Variants in AKR1C3 observed in about 807,000 individuals in gnomAD.
AKR1C3 encodes aldo-keto reductase family 1 member C3, also known as 3-alpha hydroxysteroid dehydrogenase, type II.
Under a neutral mutation model 43.6 loss-of-function variants are expected in AKR1C3, and 48 were observed. The observed-to-expected ratio is 1.10, with a 90% confidence interval of 0.87 to 1.40. The LOEUF (loss-of-function observed/expected upper bound fraction) is 1.40, where lower values mean the gene tolerates loss of function less well. AKR1C3 is among the 40% of genes most tolerant of loss of function. The pLI, the probability that AKR1C3 is intolerant of heterozygous loss-of-function variation, is 0.00. For synonymous variants in AKR1C3, 162 were observed against 139.6 expected, an observed-to-expected ratio of 1.16 and a Z score of -1.13; for missense variants, 482 against 391.2, an observed-to-expected ratio of 1.23 and a Z score of -1.96.
chr10:5,101,153 T>G (rs1296675430), intron 5 of AKR1C3, among the ~76,000 whole-genome samples: 8 of 152,172 alleles, frequency 5.3e-5, no homozygotes, highest in African/African-American at 1.4e-4. Flanking sequence ...TAAAACAGAA[T>G]GGAAACAAGT....
At chr10:5,071,837 A>G (rs930149723) in intron 1 of AKR1C3, among the ~76,000 whole-genome samples, 25 of 151,954 alleles carry the variant, frequency 1.6e-4, no homozygotes. Context: ...ACTTTTTGTA[A>G]TTTTCCGCTT....
chr10:5,072,658 A>G (rs1377790862), intron 1 of AKR1C3, among the ~76,000 whole-genome samples: 2 of 152,328 alleles, frequency 1.3e-5, no homozygotes, highest in South Asian at 2.1e-4. Context: ...CCTGCTTGTC[A>G]TAAAGAAATG....
Position 5,083,733 on chromosome 10 carries a change from G to A in AKR1C3, c.85-12677G>A, listed in dbSNP as rs1325104103. On this transcript the variant is annotated intron_variant, in intron 1 of 8. Coordinates refer to the AKR1C3 transcript ENST00000439082. ...TTCCTATTTCTCCACATCCTCTCCA[G>A]CACCTGTTGTTTCCTGACTGTTTAA... is the stretch of plus-strand genomic sequence containing the variant. Among the ~76,000 whole-genome samples, 12 of 152,252 alleles carry A rather than the reference G, an allele frequency of 7.9e-5. No individual in the cohort carries two copies. The South Asian group carries it at 1.0e-3, about 13-fold the overall frequency.
At chr10:5,094,604 A>G in intron 1 of AKR1C3, 76 bp downstream of exon 1, 1 of 1,517,630 alleles carries the variant, frequency 6.6e-7, no homozygotes, top group South Asian at 1.1e-5. Context: ...TTGGGTTGTA[A>G]GGTTCGTGTT....
chr10:5,106,981 T>TA (rs1280201254), intron 8 of AKR1C3, among the ~76,000 whole-genome samples: 1 of 152,140 alleles, frequency 6.6e-6, no homozygotes, highest in Non-Finnish European at 1.5e-5. Context: ...TATCATCCAT[T>TA]AAAAATGTAA....
At chr10:5,090,990 C>A (rs1023590576), upstream of AKR1C3, among the ~76,000 whole-genome samples, 2 of 151,956 alleles carry the variant, frequency 1.3e-5, no homozygotes, top group East Asian at 3.9e-4. Flanking sequence ...GTTTTGATAG[C>A]ATGATGGAGG....
intron 1 of AKR1C3, among the ~76,000 whole-genome samples, chr10:5,060,980 C>T (rs1361921182): frequency 6.6e-6 from 1 of 152,222 alleles, no homozygotes; most frequent in Non-Finnish European, 1.5e-5. Context: ...CTCACGCTGG[C>T]CCACAAGCGT....
chr10:5,065,031 T>C lies in AKR1C3; in HGVS notation c.84+16136T>C, dbSNP rs1554780654. 3.9e-4 allele frequency among the ~76,000 whole-genome samples: 60 copies of C among 152,124 alleles called. 1 individual carries two copies. Among genetic ancestry groups the C allele is most frequent in the Non-Finnish European group, 8.8e-4 (60 of 68,002 alleles). ...AAAAAATGTTCAACATCACTGATCATTAGAGAAATGTAAATCAAAACCACA... is the reference window on the plus strand; with the variant it reads ...AAAAAATGTTCAACATCACTGATCACTAGAGAAATGTAAATCAAAACCACA... On this transcript the variant is annotated intron_variant, in intron 1 of 8. Transcript: ENST00000439082.
Position 5,107,520 on chromosome 10 carries a change from T to G in AKR1C3, c.*17T>G, listed in dbSNP as rs781853175. 7 of 1,577,092 alleles carry G rather than the reference T, an allele frequency of 4.4e-6. No individual in the cohort carries two copies. In the South Asian group the frequency reaches 7.8e-5, roughly 18 times the overall value. Reference sequence around the variant, plus strand: ...GAATATTAACATGGAGGGCTTTGCCTGATGTCTACCAGAAGCCCTGTGTGT... The same window carrying G: ...GAATATTAACATGGAGGGCTTTGCCGGATGTCTACCAGAAGCCCTGTGTGT... On this transcript the variant is annotated 3_prime_UTR_variant, in exon 9 of 9. Transcript: ENST00000380554.
intron 3 of AKR1C3, 175 bp downstream of exon 3, chr10:5,097,725 C>A: frequency 1.4e-6 from 2 of 1,424,178 alleles, no homozygotes; most frequent in South Asian, 1.4e-5. Context: ...AATCCTACTT[C>A]TCTAATGCAC....
At chr10:5,104,074 G>A (rs17173403) in intron 7 of AKR1C3, among the ~76,000 whole-genome samples, 39,602 of 151,856 alleles carry the variant, frequency 0.26, 5,385 homozygotes, top group Middle Eastern at 0.37. Context: ...ATGTGCTGTG[G>A]TTTTCTCTGT....
intron 1 of AKR1C3, among the ~76,000 whole-genome samples, chr10:5,065,668 A>G (rs1424876645): frequency 1.3e-5 from 2 of 152,264 alleles, no homozygotes; most frequent in South Asian, 4.1e-4. Flanking sequence ...ACACTCTAGC[A>G]GTTTCCATTG....
intron 3 of AKR1C3, among the ~76,000 whole-genome samples, chr10:5,098,340 A>G (rs1839263454): frequency 1.3e-5 from 2 of 152,222 alleles, no homozygotes; most frequent in African/African-American, 2.4e-5. Flanking sequence ...GGTCATCACC[A>G]TAAGACAACT....
At chr10:5,084,442 G>A (rs1398750020) in intron 1 of AKR1C3, among the ~76,000 whole-genome samples, 1 of 151,188 alleles carries the variant, frequency 6.6e-6, no homozygotes, top group Non-Finnish European at 1.5e-5. Flanking sequence ...CTATATCTCT[G>A]TTTTGGTACC....
At chr10:5,083,641 A>G (rs1838886716) in intron 1 of AKR1C3, among the ~76,000 whole-genome samples, 1 of 152,192 alleles carries the variant, frequency 6.6e-6, no homozygotes, top group South Asian at 2.1e-4. Flanking sequence ...TAGATCCCTG[A>G]GCAATCGCCA....
At chr10:5,088,441 T>C (rs1839019611) in intron 1 of AKR1C3, among the ~76,000 whole-genome samples, 1 of 152,080 alleles carries the variant, frequency 6.6e-6, no homozygotes, top group South Asian at 2.1e-4. Flanking sequence ...CATTTACTAT[T>C]ATTGTACTTC....
At chr10:5,054,760 G>A (rs1838224069) in intron 1 of AKR1C3, among the ~76,000 whole-genome samples, 2 of 151,618 alleles carry the variant, frequency 1.3e-5, no homozygotes, top group Admixed American at 6.6e-5. Flanking sequence ...TTGTCTCCCT[G>A]TTTCTGTCTC....
intron 1 of AKR1C3, among the ~76,000 whole-genome samples, chr10:5,086,041 A>T (rs534903474): frequency 6.6e-6 from 1 of 151,530 alleles, no homozygotes; most frequent in East Asian, 1.9e-4. Flanking sequence ...TGGTTTCATT[A>T]ATTTTTTGAA....
intron 1 of AKR1C3, among the ~76,000 whole-genome samples, chr10:5,051,407 T>C (rs1479434496): frequency 2.0e-5 from 3 of 152,226 alleles, no homozygotes; most frequent in Admixed American, 2.0e-4. Flanking sequence ...GACTTTGTGT[T>C]TTATGTATTA....
Sources: allele counts gnomAD v4.1 joint callset (sites outside exome capture counted in the v4.1 genomes callset), GRCh38; gene constraint gnomAD v4.1.1; transcripts MANE v1.5; gene names NCBI Gene and HGNC (gene_info 2026-07-23, HGNC 2026-07-21).